Variants in CREB5 observed in about 807,000 individuals in gnomAD.
CREB5 encodes cAMP responsive element binding protein 5, also known as cyclic AMP-responsive element-binding protein 5.
In CREB5, 19 loss-of-function variants were observed where a neutral mutation model predicts 57.1. The observed-to-expected ratio is 0.33, with a 90% confidence interval of 0.23 to 0.49. The LOEUF (loss-of-function observed/expected upper bound fraction) is 0.49, where lower values mean the gene tolerates loss of function less well. Ranked by LOEUF, CREB5 falls within the 20% of genes least tolerant of loss-of-function variation. The pLI is 0.99. For missense variants in CREB5, 579 were observed against 671.6 expected, an observed-to-expected ratio of 0.86 and a Z score of 1.52; for synonymous variants, 238 against 238.3, an observed-to-expected ratio of 1.00 and a Z score of 0.01.
At chr7:28,402,829 C>T (rs1265253648) in intron 1 of CREB5, among the ~76,000 whole-genome samples, 3 of 152,200 alleles carry the variant, frequency 2.0e-5, no homozygotes, top group African/African-American at 7.2e-5. Context: ...CAAATGCGAT[C>T]TAATTAAACT....
intron 5 of CREB5, among the ~76,000 whole-genome samples, chr7:28,696,654 A>G (rs1010290700): frequency 1.3e-5 from 2 of 152,110 alleles, no homozygotes; most frequent in African/African-American, 4.8e-5. Context: ...TATATTCTGT[A>G]TCACAGCCCA....
At chr7:28,777,320 T>C (rs1806719438) in intron 7 of CREB5, among the ~76,000 whole-genome samples, 1 of 152,246 alleles carries the variant, frequency 6.6e-6, no homozygotes. Flanking sequence ...ACTTGCCTTT[T>C]CATTTTGTGA....
intron 5 of CREB5, among the ~76,000 whole-genome samples, chr7:28,597,079 C>G (rs549060871): frequency 6.6e-6 from 1 of 152,324 alleles, no homozygotes; most frequent in South Asian, 2.1e-4. Flanking sequence ...CTGAGGCAAA[C>G]TCAGAAATTA....
At chr7:28,465,756 C>CAAAGTTTTAACTTTGTTAAAGTTAACTT (rs1554327606) in intron 1 of CREB5, among the ~76,000 whole-genome samples, 2 of 152,160 alleles carry the variant, frequency 1.3e-5, no homozygotes, top group Non-Finnish European at 2.9e-5. Flanking sequence ...TAAAACTCTA[C>CAAAGTTTTAACTTTGTTAAAGTTAACTT]AAAGGTTAAC....
At chr7:28,672,178 AAAAAAAAAAAACACAC>A (rs1236658246) in intron 5 of CREB5, among the ~76,000 whole-genome samples, 1 of 43,330 alleles carries the variant, frequency 2.3e-5, no homozygotes. Flanking sequence ...TATTATGGAA[AAAAAAAAAAAACACAC>A]ACACACACAC....
intron 1 of CREB5, among the ~76,000 whole-genome samples, chr7:28,419,241 G>A (rs1480847381): frequency 6.6e-6 from 1 of 152,206 alleles, no homozygotes; most frequent in Non-Finnish European, 1.5e-5. Context: ...GAAGGCAAAG[G>A]TCTGTACAGA....
rs975389103 is a variant in CREB5, at chr7:28,535,187, A to G, written c.291+27450A>G. On this transcript the variant is annotated intron_variant, in intron 4 of 10. Coordinates refer to ENST00000357727, the MANE Select transcript of CREB5 (RefSeq NM_182898.4). Reference sequence around the variant, plus strand: ...TACAAGGAAGGCTAGGTCGGGCCCAATTTGGTAACAGACTCAAGTCTTTTT... The same window carrying G: ...TACAAGGAAGGCTAGGTCGGGCCCAGTTTGGTAACAGACTCAAGTCTTTTT... Among the ~76,000 whole-genome samples, 9 of 141,672 alleles carry G rather than the reference A, an allele frequency of 6.4e-5. 2 individuals carry two copies. Among genetic ancestry groups the G allele is most frequent in the Non-Finnish European group, 9.5e-5 (6 of 63,134 alleles). 92.9% of individuals were successfully genotyped at this position (141,672 alleles called of 152,430 possible).
chr7:28,408,118 G>A (rs562722128), upstream of CREB5, among the ~76,000 whole-genome samples: 18 of 152,232 alleles, frequency 1.2e-4, no homozygotes, highest in African/African-American at 4.3e-4. Flanking sequence ...TTGAAAACAG[G>A]GATTGAGTTG....
intron 5 of CREB5, among the ~76,000 whole-genome samples, chr7:28,666,546 A>G (rs1190746851): frequency 1.5e-5 from 2 of 132,418 alleles, no homozygotes; most frequent in Non-Finnish European, 3.3e-5. Context: ...TTTAAAATAT[A>G]TATATTTTTT....
chr7:28,583,903 C>A (rs1796215591), intron 5 of CREB5, among the ~76,000 whole-genome samples: 1 of 152,096 alleles, frequency 6.6e-6, no homozygotes, highest in African/African-American at 2.4e-5. Flanking sequence ...GTCTCGAACT[C>A]CCAACCTCAG....
intron 4 of CREB5, among the ~76,000 whole-genome samples, chr7:28,567,480 C>A (rs574404107): frequency 1.4e-4 from 22 of 152,322 alleles, no homozygotes; most frequent in African/African-American, 5.3e-4. Flanking sequence ...AGGCACTAAG[C>A]TAGGCAATGG....
intron 1 of CREB5, among the ~76,000 whole-genome samples, chr7:28,402,640 G>T (rs1452055469): frequency 1.3e-5 from 2 of 152,136 alleles, no homozygotes; most frequent in African/African-American, 4.8e-5. Flanking sequence ...GCTGAAACTG[G>T]ATCCTTTCCT....
At chr7:28,672,180 A>ACACACAC (rs1554283278) in intron 5 of CREB5, among the ~76,000 whole-genome samples, 5,358 of 84,230 alleles carry the variant, frequency 0.064, 136 homozygotes, top group South Asian at 0.085. Flanking sequence ...TTATGGAAAA[A>ACACACAC]AAAAAAAAAC....
At chr7:28,453,245 C>T (rs948344549) in intron 1 of CREB5, among the ~76,000 whole-genome samples, 1 of 152,090 alleles carries the variant, frequency 6.6e-6, no homozygotes, top group African/African-American at 2.4e-5. Context: ...TGAGACAAGT[C>T]TGGGCAACAT....
intron 5 of CREB5, among the ~76,000 whole-genome samples, chr7:28,686,770 G>A (rs1212946843): frequency 6.6e-6 from 1 of 152,146 alleles, no homozygotes; most frequent in Non-Finnish European, 1.5e-5. Context: ...GACTGTAACC[G>A]GCTTCAGACT....
chr7:28,318,321 G>A (rs530023035), intron 1 of CREB5, among the ~76,000 whole-genome samples: 5 of 152,248 alleles, frequency 3.3e-5, no homozygotes, highest in South Asian at 2.1e-4. Flanking sequence ...AAGAACAGGC[G>A]GCAATAATGA....
At chr7:28,566,644 G>A (rs1482371280) in intron 4 of CREB5, among the ~76,000 whole-genome samples, 22 of 150,708 alleles carry the variant, frequency 1.5e-4, no homozygotes, top group Non-Finnish European at 2.9e-5. Flanking sequence ...TTTCATGTTT[G>A]AGTTACTATG....
chr7:28,505,219 T>C (rs1025219953), intron 3 of CREB5, among the ~76,000 whole-genome samples: 2 of 149,590 alleles, frequency 1.3e-5, no homozygotes, highest in African/African-American at 4.9e-5. Flanking sequence ...CACACACACA[T>C]GCACACACGC....
At chr7:28,453,177 C>T (rs1313304725) in intron 1 of CREB5, among the ~76,000 whole-genome samples, 1 of 152,124 alleles carries the variant, frequency 6.6e-6, no homozygotes, top group African/African-American at 2.4e-5. Context: ...GTGGCTTATA[C>T]CTATAATCCC....
Sources: allele counts gnomAD v4.1 joint callset (sites outside exome capture counted in the v4.1 genomes callset), GRCh38; gene constraint gnomAD v4.1.1; transcripts MANE v1.5; gene names NCBI Gene and HGNC (gene_info 2026-07-23, HGNC 2026-07-21).